PAPPA2: variants seen among roughly 807,000 people sequenced by gnomAD.
PAPPA2 encodes pappalysin-2.
PAPPA2 carries 86 observed loss-of-function variants against 176.4 expected under a neutral mutation model. That is an observed-to-expected ratio of 0.49 (90% CI 0.41 to 0.58). The LOEUF is 0.58. Ranked by LOEUF, PAPPA2 falls within the 20% of genes least tolerant of loss-of-function variation. PAPPA2 has a pLI of 0.00. For missense variants in PAPPA2, 2,073 were observed against 2,256.9 expected, an observed-to-expected ratio of 0.92 and a Z score of 1.65; for synonymous variants, 809 against 852.2, an observed-to-expected ratio of 0.95 and a Z score of 0.88.
chr1:176,517,829 A>G (rs1648999590), intron 1 of PAPPA2, among the ~76,000 whole-genome samples: 1 of 152,200 alleles, frequency 6.6e-6, no homozygotes, highest in Non-Finnish European at 1.5e-5. Context: ...TCGACATGGC[A>G]GAAGGAAACC....
rs185326895 is a variant in PAPPA2 at position 176,519,505 on chromosome 1, A to G, written c.-916-35902A>G. Among the ~76,000 whole-genome samples, 108 of 152,220 alleles carry G rather than the reference A, an allele frequency of 7.1e-4. No individual in the cohort carries two copies. The Middle Eastern group carries it at 0.01, about 14-fold the overall frequency. Reference sequence around the variant, plus strand: ...CATTTTTCTCATTAGGGAAATGCCTATTTTGCTGTTCTTGCTTCAGATGAA... The same window carrying G: ...CATTTTTCTCATTAGGGAAATGCCTGTTTTGCTGTTCTTGCTTCAGATGAA... On this transcript the variant is annotated intron_variant, in intron 1 of 22. Coordinates refer to ENST00000367662, the MANE Select transcript of PAPPA2 (RefSeq NM_020318.3).
chr1:176,643,220 C>T (rs1026614747), intron 3 of PAPPA2, among the ~76,000 whole-genome samples: 3 of 151,732 alleles, frequency 2.0e-5, no homozygotes, highest in African/African-American at 4.8e-5. Context: ...AATAATGTGT[C>T]CAGGGTCACA....
intron 3 of PAPPA2, among the ~76,000 whole-genome samples, chr1:176,623,005 T>C (rs555014401): frequency 2.1e-4 from 32 of 152,314 alleles, no homozygotes; most frequent in African/African-American, 7.2e-4. Flanking sequence ...ATAAGGGCAC[T>C]AATCTCATTC....
chr1:176,714,104 A>C (rs1471419159), intron 12 of PAPPA2, among the ~76,000 whole-genome samples: 4 of 152,162 alleles, frequency 2.6e-5, no homozygotes, highest in Non-Finnish European at 5.9e-5. Flanking sequence ...AAGCTTGGCT[A>C]TTAATACTAT....
At chr1:176,525,244 A>C (rs369205811) in intron 1 of PAPPA2, among the ~76,000 whole-genome samples, 281 of 152,348 alleles carry the variant, frequency 1.8e-3, no homozygotes, top group African/African-American at 6.5e-3. Flanking sequence ...AGATGAATCA[A>C]TCACTCAGTT....
At chr1:176,604,448 C>T (rs999506683) in intron 3 of PAPPA2, among the ~76,000 whole-genome samples, 2 of 152,210 alleles carry the variant, frequency 1.3e-5, no homozygotes, top group Non-Finnish European at 2.9e-5. Context: ...TGTTCTTATT[C>T]TAGTACAGTG....
intron 1 of PAPPA2, among the ~76,000 whole-genome samples, chr1:176,486,756 C>A (rs936175181): frequency 6.6e-6 from 1 of 152,010 alleles, no homozygotes; most frequent in Non-Finnish European, 1.5e-5. Flanking sequence ...GAGGGAGAGG[C>A]ACAATGGGAC....
At chr1:176,571,074 C>T (rs1185839074) in intron 2 of PAPPA2, among the ~76,000 whole-genome samples, 1 of 152,132 alleles carries the variant, frequency 6.6e-6, no homozygotes, top group Non-Finnish European at 1.5e-5. Context: ...CAGGGCAGGG[C>T]CTGCAGCAGT....
intron 4 of PAPPA2, among the ~76,000 whole-genome samples, chr1:176,682,030 G>A (rs1444354806): frequency 6.6e-6 from 1 of 152,170 alleles, no homozygotes; most frequent in Admixed American, 6.5e-5. Flanking sequence ...TACTTATGCA[G>A]AACTTTCACA....
At chr1:176,841,804 G>A (rs1667499376) in intron 22 of PAPPA2, among the ~76,000 whole-genome samples, 1 of 152,140 alleles carries the variant, frequency 6.6e-6, no homozygotes, top group Non-Finnish European at 1.5e-5. Flanking sequence ...AAAATCTCAT[G>A]CTTTATGAGG....
At chr1:176,507,542 C>T (rs909518929) in intron 1 of PAPPA2, among the ~76,000 whole-genome samples, 5 of 152,044 alleles carry the variant, frequency 3.3e-5, no homozygotes, top group African/African-American at 1.2e-4. Flanking sequence ...AAGCTTAATG[C>T]CCATCAATGA....
At chr1:176,655,575 G>A (rs1051383599) in intron 3 of PAPPA2, among the ~76,000 whole-genome samples, 2 of 151,736 alleles carry the variant, frequency 1.3e-5, no homozygotes, top group Non-Finnish European at 2.9e-5. Context: ...ACAATAAGAT[G>A]CCATCTTACA....
intron 17 of PAPPA2, among the ~76,000 whole-genome samples, chr1:176,779,020 G>A (rs1041104676): frequency 1.3e-5 from 2 of 152,128 alleles, no homozygotes; most frequent in African/African-American, 4.8e-5. Flanking sequence ...GGGGCCTGGT[G>A]ACTGGCATCC....
chr1:176,615,658 T>C (rs1363349487), intron 3 of PAPPA2, among the ~76,000 whole-genome samples: 1 of 152,066 alleles, frequency 6.6e-6, no homozygotes, highest in Non-Finnish European at 1.5e-5. Flanking sequence ...CAAAGTGAGA[T>C]TTATAGAAAC....
intron 21 of PAPPA2, among the ~76,000 whole-genome samples, chr1:176,818,844 C>A (rs1666516375): frequency 6.6e-6 from 1 of 152,206 alleles, no homozygotes. Flanking sequence ...CTCCACATGT[C>A]CCCTCTCTGA....
rs1665110289 is a variant in PAPPA2, at chr1:176,790,086, C to T, written c.4884+109C>T. The T allele has an allele frequency of 3.2e-6, 4 of 1,267,596 alleles. No individual in the cohort carries two copies. The Admixed American group carries it at 6.3e-5, about 20-fold the overall frequency. 78.5% of individuals were successfully genotyped at this position (1,267,596 alleles called of 1,614,324 possible). ...TCTAAAGAATTCCAACAGGCAGGGACTTGGGATTCTAATCGGGAGTGTTGG... is the reference window on the plus strand; with the variant it reads ...TCTAAAGAATTCCAACAGGCAGGGATTTGGGATTCTAATCGGGAGTGTTGG... On this transcript the variant is annotated intron_variant, in intron 18 of 22. Coordinates refer to ENST00000367662, the MANE Select transcript of PAPPA2 (RefSeq NM_020318.3).
intron 2 of PAPPA2, among the ~76,000 whole-genome samples, chr1:176,574,285 G>A (rs1652518907): frequency 6.6e-6 from 1 of 152,052 alleles, no homozygotes; most frequent in African/African-American, 2.4e-5. Context: ...TTTTACATGT[G>A]CGAATTAATT....
chr1:176,734,330 G>T (rs1288318810), intron 12 of PAPPA2, among the ~76,000 whole-genome samples: 1 of 151,730 alleles, frequency 6.6e-6, no homozygotes, highest in Non-Finnish European at 1.5e-5. Context: ...CCCCTAGTTC[G>T]GGTGGGATTA....
At chr1:176,795,171 T>C (rs1665371117) in intron 20 of PAPPA2, among the ~76,000 whole-genome samples, 2 of 151,926 alleles carry the variant, frequency 1.3e-5, no homozygotes, top group South Asian at 2.1e-4. Context: ...AGAGGCACTT[T>C]TTTATTTTCT....
Sources: gnomAD v4.1 joint callset for allele counts (sites outside exome capture counted in the v4.1 genomes callset) on GRCh38, gnomAD v4.1.1 for gene constraint, MANE v1.5 for transcripts, NCBI Gene and HGNC (gene_info 2026-07-23, HGNC 2026-07-21) for gene names.